ZNF385D: variants seen among roughly 807,000 people sequenced by gnomAD.
ZNF385D encodes zinc finger protein 659.
A neutral mutation model predicts 35.8 loss-of-function variants in ZNF385D; 15 were observed. The observed-to-expected ratio is 0.42, with a 90% CI of 0.28 to 0.64. ZNF385D has a LOEUF of 0.64. ZNF385D is among the 30% of genes least tolerant of loss of function. ZNF385D has a pLI of 0.23. For synonymous variants in ZNF385D, 212 were observed against 186.8 expected (o/e 1.13, Z -1.10); for missense variants, 474 against 494.6 (o/e 0.96, Z 0.39).
intron 3 of ZNF385D, among the ~76,000 whole-genome samples, chr3:21,763,713 G>C (rs1575607957): frequency 6.6e-6 from 1 of 152,064 alleles, no homozygotes; most frequent in East Asian, 1.9e-4. Context: ...ACTTTGCCTT[G>C]GAAAAATCTG....
intron 3 of ZNF385D, among the ~76,000 whole-genome samples, chr3:22,095,198 A>G (rs1012630568): frequency 1.3e-5 from 2 of 149,142 alleles, no homozygotes; most frequent in Non-Finnish European, 3.0e-5. Context: ...AAGCACTGTG[A>G]TTACAGGTGT....
At chr3:22,357,509 TTACAG>T (rs1696209482) in intron 2 of ZNF385D, among the ~76,000 whole-genome samples, 1 of 151,920 alleles carries the variant, frequency 6.6e-6, no homozygotes, top group South Asian at 2.1e-4. Context: ...AGTTATGTCT[TTACAG>T]TATTTTATTT....
Position 21,419,715 on chromosome 3 carries a change from T to A in ZNF385D, c.*1499A>T, listed in dbSNP as rs1462317096. 6.6e-6 allele frequency: 1 copy of A among 152,114 alleles called. No homozygotes were observed. Among genetic ancestry groups the A allele is most frequent in the East Asian group, 1.9e-4 (1 of 5,194 alleles). The allele number at this position is 152,114 out of a possible 1,614,324, so 9.4% of individuals were successfully genotyped here. On this transcript the variant is annotated 3_prime_UTR_variant, in exon 8 of 8. Transcript: ENST00000281523. ...TATGGGAAAAAGCAAATAGCCTTTA[T>A]CACAAATTAAAGGCACAGCTATTTT...
chr3:21,949,889 TC>T (rs1214934617), intron 3 of ZNF385D, among the ~76,000 whole-genome samples: 1 of 152,158 alleles, frequency 6.6e-6, no homozygotes, highest in Non-Finnish European at 1.5e-5. Context: ...CATGAACTCA[TC>T]CTTTTTTATG....
intron 3 of ZNF385D, among the ~76,000 whole-genome samples, chr3:21,848,253 T>C (rs938579036): frequency 6.6e-6 from 1 of 152,048 alleles, no homozygotes; most frequent in African/African-American, 2.4e-5. Flanking sequence ...TGTTTGTCCA[T>C]GAAAACTTAG....
intron 3 of ZNF385D, among the ~76,000 whole-genome samples, chr3:21,765,746 G>C (rs77249769): frequency 1.2e-5 from 1 of 82,450 alleles, no homozygotes; most frequent in Admixed American, 1.4e-4. Flanking sequence ...GAGAGAGACA[G>C]AGAGAGAGAG....
intron 3 of ZNF385D, among the ~76,000 whole-genome samples, chr3:22,153,883 C>A (rs755778333): frequency 2.6e-5 from 4 of 152,102 alleles, no homozygotes; most frequent in Non-Finnish European, 4.4e-5. Context: ...TACTCCCACA[C>A]CATGTGGGAG....
Position 21,416,554 on chromosome 3 carries a change from C to T in ZNF385D, c.*4660G>A, listed in dbSNP as rs902747768. 6 of 152,156 alleles carry T rather than the reference C, an allele frequency of 3.9e-5. No homozygotes were observed. The highest frequency in any genetic ancestry group is 2.1e-4 in the South Asian group (1 of 4,812). The allele number at this position is 152,156 out of a possible 1,614,324, so 9.4% of individuals were successfully genotyped here. A position where few individuals can be genotyped will look rare whatever the true frequency, so the allele number is the denominator to read the frequency against. ...CCATTAGAAATGATCCATTTCACTT[C>T]CTGATAGTAGCCTCTCTAGCTACTG... is the stretch of plus-strand genomic sequence containing the variant. On this transcript the variant is annotated 3_prime_UTR_variant, in exon 8 of 8. Coordinates refer to ENST00000281523, the MANE Select transcript of ZNF385D (RefSeq NM_024697.3).
chr3:21,414,643 T>C lies in ZNF385D; in HGVS notation c.*6571A>G, dbSNP rs1700537661. ...TTATCCCTATTTTTATCAGAGAGAA[T>C]CATCAAAATGTCAAGTGAATTGGCC... On this transcript the variant is annotated 3_prime_UTR_variant, in exon 8 of 8. Transcript: ENST00000281523. 1 of 152,094 alleles carries C rather than the reference T, an allele frequency of 6.6e-6. No individual in the cohort carries two copies. The highest frequency in any genetic ancestry group is 1.5e-5 in the Non-Finnish European group (1 of 67,990). The allele number at this position is 152,094 out of a possible 1,614,324, so 9.4% of individuals were successfully genotyped here. A position where few individuals can be genotyped will look rare whatever the true frequency, so the allele number is the denominator to read the frequency against.
intron 3 of ZNF385D, among the ~76,000 whole-genome samples, chr3:22,112,304 G>T (rs1702577077): frequency 6.6e-6 from 1 of 151,986 alleles, no homozygotes; most frequent in Admixed American, 6.6e-5. Flanking sequence ...TTAAAATAAT[G>T]AATAACCACA....
intron 4 of ZNF385D, among the ~76,000 whole-genome samples, chr3:21,478,586 A>G (rs1351687377): frequency 6.6e-6 from 1 of 152,182 alleles, no homozygotes; most frequent in Non-Finnish European, 1.5e-5. Flanking sequence ...ATCTATTACT[A>G]TAACTTTGGA....
At chr3:21,707,270 GA>G (rs1202023530) in intron 1 of ZNF385D, among the ~76,000 whole-genome samples, 1 of 152,098 alleles carries the variant, frequency 6.6e-6, no homozygotes, top group Non-Finnish European at 1.5e-5. Context: ...TATTCAACAT[GA>G]AATGATATTC....
chr3:21,935,747 A>AC (rs1553702460), intron 3 of ZNF385D, among the ~76,000 whole-genome samples: 1 of 151,716 alleles, frequency 6.6e-6, no homozygotes, highest in Admixed American at 6.6e-5. Flanking sequence ...GAGTAGATAC[A>AC]ACACTGGACT....
chr3:22,144,061 G>A (rs559248086), intron 3 of ZNF385D, among the ~76,000 whole-genome samples: 1 of 152,058 alleles, frequency 6.6e-6, no homozygotes, highest in African/African-American at 2.4e-5. Context: ...ATGTTGCTGG[G>A]GATATTTGTA....
chr3:22,260,061 CAATT>C (rs538760894), intron 2 of ZNF385D, among the ~76,000 whole-genome samples: 46 of 151,876 alleles, frequency 3.0e-4, no homozygotes, highest in Non-Finnish European at 5.9e-4. Context: ...AAAACACAAT[CAATT>C]AGATTATTTA....
chr3:21,796,468 G>C (rs1042023198), intron 3 of ZNF385D, among the ~76,000 whole-genome samples: 1 of 152,080 alleles, frequency 6.6e-6, no homozygotes, highest in Non-Finnish European at 1.5e-5. Flanking sequence ...AGGTAGGCAA[G>C]GCTAGTTCAA....
intron 3 of ZNF385D, among the ~76,000 whole-genome samples, chr3:22,098,179 T>C (rs1219516951): frequency 6.6e-6 from 1 of 152,068 alleles, no homozygotes; most frequent in Non-Finnish European, 1.5e-5. Flanking sequence ...ATTTAATCTA[T>C]TACGACCAAT....
At chr3:21,989,967 C>G (rs1695058761) in intron 3 of ZNF385D, among the ~76,000 whole-genome samples, 1 of 152,180 alleles carries the variant, frequency 6.6e-6, no homozygotes, top group South Asian at 2.1e-4. Flanking sequence ...TTCCAGCACC[C>G]AAACACAACA....
In ZNF385D at chr3:22,354,830, C is replaced by T. The variant is rs114591960; in HGVS notation, c.106+17620G>A. 7.5e-3 allele frequency among the ~76,000 whole-genome samples: 1,136 copies of T among 152,000 alleles called. 21 individuals are homozygous for T. The highest frequency in any genetic ancestry group is 0.025 in the African/African-American group (1,032 of 41,446). On this transcript the variant is annotated intron_variant, in intron 2 of 5. Coordinates refer to the ZNF385D transcript ENST00000494108. ...GCCTGTGCTGTTTAATATGGTGTTG[C>T]GGTTATTTAATTTAAGCAAAATTTG...
Sources: allele counts gnomAD v4.1 joint callset (sites outside exome capture counted in the v4.1 genomes callset), GRCh38; gene constraint gnomAD v4.1.1; transcripts MANE v1.5; gene names NCBI Gene and HGNC (gene_info 2026-07-23, HGNC 2026-07-21).